EXOC1: variants seen among roughly 807,000 people sequenced by gnomAD.
EXOC1 encodes the protein exocyst complex component 1, also known as SEC3-like 1.
A neutral mutation model predicts 107.7 loss-of-function variants in EXOC1; 67 were observed. The observed-to-expected ratio is 0.62, with a 90% CI of 0.51 to 0.76. The LOEUF (loss-of-function observed/expected upper bound fraction) is 0.76, where lower values mean the gene tolerates loss of function less well. Among genes scored for constraint, EXOC1 ranks in the 30% least tolerant of loss-of-function variants. The pLI is 0.00. For synonymous variants in EXOC1, 348 were observed against 353.5 expected, an observed-to-expected ratio of 0.98 and a Z score of 0.17; for missense variants, 833 against 1,055.7, an observed-to-expected ratio of 0.79 and a Z score of 2.92.
At chr4:55,892,756 T>G in intron 14 of EXOC1, 45 bp downstream of exon 14, 1 of 1,591,956 alleles carries the variant, frequency 6.3e-7, no homozygotes. Context: ...AAAAATAAAC[T>G]TTAAAATGTG....
At chr4:55,899,344 A>G (rs952769821) in intron 16 of EXOC1, among the ~76,000 whole-genome samples, 1 of 152,040 alleles carries the variant, frequency 6.6e-6, no homozygotes, top group Non-Finnish European at 1.5e-5. Context: ...AGCAATTTAG[A>G]ATTTGACTGC....
rs1722475592 is a variant in EXOC1 at position 55,871,864 on chromosome 4, T to C, written c.980T>C (p.Leu327Pro). The part of the protein sequence containing the change: ...VALRPGHDLL[L>P]AVKQQQQRFS... ...TCTGTGTCAGGCCATGACTTGCTTC[T>C]GGCAGTCAAACAGCAACAGCAGCGA... Residue 327 changes from leucine to proline, a missense_variant, in exon 8 of 19, where the codon CTG (leucine) becomes CCG (proline). Transcript: ENST00000381295. 1 of 1,613,790 alleles carries C rather than the reference T, an allele frequency of 6.2e-7. No individual in the cohort carries two copies.
Position 55,871,879 on chromosome 4 carries a change from A to C in EXOC1, c.995A>C (p.Gln332Pro), listed in dbSNP as rs1560338870. 8.7e-6 allele frequency: 14 copies of C among 1,613,844 alleles called. No homozygotes were observed. The highest frequency in any genetic ancestry group is 1.2e-5 in the Non-Finnish European group (14 of 1,179,802). Residue 332 changes from glutamine (Q) to proline (P), a missense_variant, in exon 8 of 19, where the codon CAA (glutamine) becomes CCA (proline). Physicochemically the swap from Gln to Pro is moderately conservative, Grantham distance 76 (BLOSUM62 -1). Coordinates refer to ENST00000381295, the MANE Select transcript of EXOC1 (RefSeq NM_001024924.2). ...GACTTGCTTCTGGCAGTCAAACAGC[A>C]ACAGCAGCGATTCAGTGATTTGCGA... is the stretch of plus-strand genomic sequence containing the variant. ...GHDLLLAVKQ[Q>P]QQRFSDLREL...
chr4:55,859,708 G>A (rs1239613944), intron 2 of EXOC1, among the ~76,000 whole-genome samples: 4 of 152,182 alleles, frequency 2.6e-5, no homozygotes, highest in Non-Finnish European at 5.9e-5. Context: ...TGTTAAGTAA[G>A]TTCCCTTCTA....
At chr4:55,882,233 T>A (rs769956400) in intron 9 of EXOC1, among the ~76,000 whole-genome samples, 4 of 151,924 alleles carry the variant, frequency 2.6e-5, no homozygotes, top group Non-Finnish European at 4.4e-5. Flanking sequence ...CTCAACTTCC[T>A]GGGCTCAAGC....
At chr4:55,876,928 T>G (rs1722955699) in intron 8 of EXOC1, 2 of 985,246 alleles carry the variant, frequency 2.0e-6, no homozygotes, top group Admixed American at 6.2e-5. Flanking sequence ...TGTGGGTTTT[T>G]GTACTTGGCA....
chr4:55,892,561 C>A, intron 13 of EXOC1, 74 bp from the exon 14 acceptor site: 1 of 1,164,886 alleles, frequency 8.6e-7, no homozygotes, highest in Non-Finnish European at 1.3e-6. Flanking sequence ...TAAGACTGAG[C>A]AGGCTTTTGC....
chr4:55,875,657 GGAA>G (rs1441718739), intron 8 of EXOC1: 1 of 985,048 alleles, frequency 1.0e-6, no homozygotes, highest in Non-Finnish European at 1.2e-6. Flanking sequence ...AAATTAATGA[GGAA>G]GATTGTTTTG....
At chr4:55,872,654 G>T (rs938128911) in intron 8 of EXOC1, 2 of 311,518 alleles carry the variant, frequency 6.4e-6, no homozygotes, top group Non-Finnish European at 9.3e-6. Flanking sequence ...GGAATATCTC[G>T]TTCATCAAGA....
intron 11 of EXOC1, 113 bp downstream of exon 11, chr4:55,889,045 C>A: frequency 2.0e-6 from 2 of 996,734 alleles, no homozygotes; most frequent in South Asian, 1.4e-5. Context: ...TCTGAATTGC[C>A]AGGTATTGGT....
intron 15 of EXOC1, among the ~76,000 whole-genome samples, chr4:55,894,614 C>CCT (rs1553880116): frequency 3.9e-5 from 3 of 76,130 alleles, no homozygotes; most frequent in African/African-American, 1.1e-4. Flanking sequence ...CTATCTGTTA[C>CCT]TTTTTTTTTT....
intron 9 of EXOC1, among the ~76,000 whole-genome samples, chr4:55,881,923 G>C (rs1723419935): frequency 6.6e-6 from 1 of 152,048 alleles, no homozygotes; most frequent in Non-Finnish European, 1.5e-5. Flanking sequence ...AGGTTCCACT[G>C]CTTGCTACTC....
Position 55,884,177 on chromosome 4 carries a change from T to C in EXOC1, c.1330+249T>C, listed in dbSNP as rs572344552. Among the ~76,000 whole-genome samples the C allele has an allele frequency of 5.3e-5, 8 of 152,308 alleles. No individual in the cohort carries two copies. In the South Asian group the frequency reaches 1.7e-3, roughly 32 times the overall value. ...TGTGTATTCATGCTGTAATCAAATA[T>C]ATATATTCATAAGAACAGCAGTTGG... On this transcript the variant is annotated intron_variant, in intron 10 of 18. Transcript: ENST00000381295.
intron 16 of EXOC1, 135 bp from the exon 17 acceptor site, chr4:55,899,550 A>C: frequency 1.4e-6 from 1 of 718,050 alleles, no homozygotes; most frequent in Non-Finnish European, 2.2e-6. Context: ...CTCCCATTAC[A>C]ATATATTGTA....
intron 8 of EXOC1, 99 bp downstream of exon 8, chr4:55,872,057 G>A: frequency 9.6e-7 from 1 of 1,041,040 alleles, no homozygotes; most frequent in Non-Finnish European, 1.4e-6. Context: ...AATTGGGGTT[G>A]CAGTCAATTC....
chr4:55,882,535 G>T (rs889729841), intron 9 of EXOC1, among the ~76,000 whole-genome samples: 2 of 152,278 alleles, frequency 1.3e-5, no homozygotes, highest in East Asian at 3.9e-4. Context: ...GTTATACAAA[G>T]ATCATGGGAA....
intron 2 of EXOC1, among the ~76,000 whole-genome samples, chr4:55,860,088 T>G (rs1721334582): frequency 6.6e-6 from 1 of 152,190 alleles, no homozygotes; most frequent in South Asian, 2.1e-4. Flanking sequence ...TGAAATGGTA[T>G]TTTGCTCTTT....
intron 8 of EXOC1, chr4:55,876,166 T>C (rs1274078579): frequency 2.0e-6 from 2 of 985,262 alleles, no homozygotes; most frequent in Non-Finnish European, 2.4e-6. Flanking sequence ...TGTTAGCCCT[T>C]ACAGAAAAGA....
chr4:55,856,352 G>A (rs1720968702), intron 1 of EXOC1, among the ~76,000 whole-genome samples: 1 of 152,224 alleles, frequency 6.6e-6, no homozygotes, highest in Non-Finnish European at 1.5e-5. Context: ...GGTTGGAAAA[G>A]AAGTAAACTT....
Sources: gnomAD v4.1 joint callset for allele counts (sites outside exome capture counted in the v4.1 genomes callset) on GRCh38, gnomAD v4.1.1 for gene constraint, MANE v1.5 for transcripts, NCBI Gene and HGNC (gene_info 2026-07-23, HGNC 2026-07-21) for gene names.